The following COL9A1 variants were observed in gnomAD, a reference collection of about 807,000 sequenced individuals.
COL9A1 encodes collagen type IX alpha 1 chain.
COL9A1 carries 104 observed loss-of-function variants against 142.6 expected under a neutral mutation model. The ratio of observed to expected loss-of-function variants is 0.73; its 90% CI spans 0.62 to 0.86. COL9A1 has a LOEUF of 0.86. Ranked by LOEUF, COL9A1 falls within the 40% of genes least tolerant of loss-of-function variation. COL9A1 has a pLI of 0.00. For synonymous variants in COL9A1, 466 were observed against 396.0 expected, an observed-to-expected ratio of 1.18 and a Z score of -2.10; for missense variants, 1,210 against 1,176.6, an observed-to-expected ratio of 1.03 and a Z score of -0.42.
intron 20 of COL9A1, among the ~76,000 whole-genome samples, chr6:70,257,519 T>TG (rs1771395176): frequency 6.6e-6 from 1 of 151,936 alleles, no homozygotes; most frequent in South Asian, 2.1e-4. Flanking sequence ...AACCGCCAGG[T>TG]GGGGGGATCA....
intron 20 of COL9A1, 52 bp downstream of exon 20, chr6:70,260,605 T>A: frequency 6.5e-7 from 1 of 1,544,134 alleles, no homozygotes; most frequent in Non-Finnish European, 8.9e-7. Flanking sequence ...ACGGCCAAAA[T>A]TTTAAATATT....
chr6:70,232,566 T>TCTTACCTAA lies in COL9A1; in HGVS notation c.2503+16_2503+17insTTAGGTAAG. 3 of 1,613,192 alleles carry TCTTACCTAA rather than the reference T, an allele frequency of 1.9e-6. No individual in the cohort carries two copies. Among genetic ancestry groups the TCTTACCTAA allele is most frequent in the Non-Finnish European group, 1.7e-6 (2 of 1,179,880 alleles). ...AAAGGTTGTGTTCTTTGGTTCCACA[T>TCTTACCTAA]GGGCAAGATGACTTACCTTTAGGTC... is the stretch of plus-strand genomic sequence containing the variant. On this transcript the variant is annotated intron_variant, in intron 36 of 37. Coordinates refer to ENST00000357250, the MANE Select transcript of COL9A1 (RefSeq NM_001851.6).
chr6:70,236,581 A>T (rs1050606513), intron 33 of COL9A1, among the ~76,000 whole-genome samples: 5 of 152,254 alleles, frequency 3.3e-5, no homozygotes, highest in African/African-American at 1.2e-4. Flanking sequence ...TAAACTGAAG[A>T]AGGCGATGAA....
At chr6:70,231,807 A>G (rs1769565674) in intron 36 of COL9A1, among the ~76,000 whole-genome samples, 1 of 152,084 alleles carries the variant, frequency 6.6e-6, no homozygotes, top group Non-Finnish European at 1.5e-5. Context: ...TGACATAGAA[A>G]CTACTCACTT....
intron 35 of COL9A1, 87 bp downstream of exon 35, chr6:70,234,452 T>C (rs2127559339): frequency 7.2e-7 from 1 of 1,383,918 alleles, no homozygotes; most frequent in African/African-American, 1.4e-5. Context: ...AAAGTCACTC[T>C]TGTTTACCCT....
At chr6:70,228,118 AAATT>A (rs1174265692) in intron 36 of COL9A1, among the ~76,000 whole-genome samples, 2 of 152,124 alleles carry the variant, frequency 1.3e-5, no homozygotes, top group East Asian at 1.9e-4. Flanking sequence ...TATGAAATAT[AAATT>A]AATCAATCTT....
At chr6:70,290,240 C>G (rs1026155462) in intron 5 of COL9A1, among the ~76,000 whole-genome samples, 4 of 152,126 alleles carry the variant, frequency 2.6e-5, no homozygotes, top group African/African-American at 7.2e-5. Context: ...AAATAATTCT[C>G]CTAGGCTATC....
chr6:70,251,486 G>T (rs1294957155), intron 28 of COL9A1, among the ~76,000 whole-genome samples: 1 of 152,222 alleles, frequency 6.6e-6, no homozygotes. Context: ...GTTCAAGGTT[G>T]CTGTGAGCTA....
intron 18 of COL9A1, among the ~76,000 whole-genome samples, 158 bp downstream of exon 18, chr6:70,266,559 A>G (rs1278284793): frequency 6.6e-6 from 1 of 152,222 alleles, no homozygotes; most frequent in African/African-American, 2.4e-5. Flanking sequence ...ATATTTAGTC[A>G]AATATTGATG....
At chr6:70,245,223 A>C (rs576648961) in intron 28 of COL9A1, among the ~76,000 whole-genome samples, 9 of 152,348 alleles carry the variant, frequency 5.9e-5, no homozygotes, top group Admixed American at 5.2e-4. Context: ...AAGAACATGC[A>C]TACTCTTGCT....
At position 70,241,997 on chromosome 6, in the gene COL9A1, C is replaced by G. The variant is rs1554235706; in HGVS notation, c.1965G>C (p.Gly655=). 6.3e-7 allele frequency: 1 copy of G among 1,599,702 alleles called. No individual in the cohort carries two copies. The highest frequency in any genetic ancestry group is 1.7e-5 in the Admixed American group (1 of 58,994). Residue 655 remains glycine, a synonymous_variant, in exon 30 of 38, where the codon GGG becomes GGC. Transcript: ENST00000357250. ...CTTTCATTCCAGGAAGTCCAGGGGGCCCAGGCAAGCCAGGGAGGCCAGGGC... is the reference window on the plus strand; with the variant it reads ...CTTTCATTCCAGGAAGTCCAGGGGGGCCAGGCAAGCCAGGGAGGCCAGGGC... ...LGSPGLPGLP[G]PPGLPGMKGD... is the part of the protein sequence containing the mutation.
chr6:70,222,031 C>A (rs984416803), intron 37 of COL9A1, among the ~76,000 whole-genome samples: 52 of 152,144 alleles, frequency 3.4e-4, no homozygotes, highest in Non-Finnish European at 5.9e-5. Flanking sequence ...AAAAACTAAT[C>A]GTATGATTAG....
chr6:70,234,038 TA>T (rs1271869502), intron 35 of COL9A1, among the ~76,000 whole-genome samples: 1 of 152,224 alleles, frequency 6.6e-6, no homozygotes, highest in Non-Finnish European at 1.5e-5. Flanking sequence ...ATAATTTTGG[TA>T]AATGCTGGTT....
intron 10 of COL9A1, 171 bp from the exon 11 acceptor site, chr6:70,274,943 CAGA>C (rs767309960): frequency 2.0e-5 from 12 of 612,906 alleles, no homozygotes; most frequent in South Asian, 4.0e-5. Context: ...TAAAGATTAA[CAGA>C]AGATCTGCCT....
chr6:70,242,874 T>C (rs898136153), intron 28 of COL9A1, among the ~76,000 whole-genome samples, 159 bp from the exon 29 acceptor site: 4 of 152,258 alleles, frequency 2.6e-5, no homozygotes, highest in African/African-American at 7.2e-5. Flanking sequence ...CATCTTGCAT[T>C]GAATGATTCG....
chr6:70,280,115 T>A (rs1773050225), intron 10 of COL9A1: 1 of 590,508 alleles, frequency 1.7e-6, no homozygotes, highest in Admixed American at 2.5e-5. Flanking sequence ...TAGTGTTAGG[T>A]TTACCATATA....
rs775466585 is a variant in COL9A1 at position 70,232,687 on chromosome 6, G to A, written c.2399C>T (p.Pro800Leu). ...ACCATTCTCTCCAGGAGGGCCGGGG[G>A]GACCAGGAGGGCCAGGCCTTCCAGG... ...GLPGRPGPPG[P>L]PGPPGENGFP... Residue 800 changes from proline to leucine, a missense_variant, in exon 36 of 38, where the codon CCC (proline) becomes CTC (leucine). Coordinates refer to ENST00000357250, the MANE Select transcript of COL9A1 (RefSeq NM_001851.6). 6 of 1,613,884 alleles carry A rather than the reference G, an allele frequency of 3.7e-6. No homozygotes were observed. Among genetic ancestry groups the A allele is most frequent in the Admixed American group, 3.3e-5 (2 of 59,996 alleles).
At chr6:70,274,871 G>C in intron 10 of COL9A1, 99 bp from the exon 11 acceptor site, 7 of 898,964 alleles carry the variant, frequency 7.8e-6, no homozygotes, top group Non-Finnish European at 1.3e-5. Flanking sequence ...TCTACAGGAT[G>C]GTTACATAAG....
intron 5 of COL9A1, among the ~76,000 whole-genome samples, chr6:70,287,485 A>G (rs1013328461): frequency 1.3e-5 from 2 of 152,152 alleles, no homozygotes; most frequent in East Asian, 1.9e-4. Context: ...GAAGTGTTAC[A>G]CTCTGAACTA....
Sources: gnomAD v4.1 joint callset for allele counts (sites outside exome capture counted in the v4.1 genomes callset) on GRCh38, gnomAD v4.1.1 for gene constraint, MANE v1.5 for transcripts, NCBI Gene and HGNC (gene_info 2026-07-23, HGNC 2026-07-21) for gene names.